IPO11: variants seen among roughly 807,000 people sequenced by gnomAD.
The protein encoded by IPO11 is importin 11.
A neutral mutation model predicts 143.2 loss-of-function variants in IPO11; 66 were observed. The observed-to-expected ratio is 0.46, with a 90% confidence interval of 0.38 to 0.57. The LOEUF is 0.57. Among genes scored for constraint, IPO11 ranks in the 20% least tolerant of loss-of-function variants. IPO11 has a pLI of 0.00. For missense variants in IPO11, 1,026 were observed against 1,141.0 expected, an observed-to-expected ratio of 0.90 and a Z score of 1.45; for synonymous variants, 385 against 377.8, an observed-to-expected ratio of 1.02 and a Z score of -0.22.
intron 27 of IPO11, among the ~76,000 whole-genome samples, chr5:62,564,697 A>G (rs1190037764): frequency 6.6e-6 from 1 of 152,098 alleles, no homozygotes; most frequent in Non-Finnish European, 1.5e-5. Context: ...TCAAGTCACG[A>G]CAATTGAAAA....
At chr5:62,558,364 A>C (rs936185987) in intron 26 of IPO11, among the ~76,000 whole-genome samples, 7 of 152,338 alleles carry the variant, frequency 4.6e-5, no homozygotes, top group African/African-American at 1.7e-4. Context: ...AGTGTTCAAG[A>C]ACTACGTAAA....
At chr5:62,575,224 C>T (rs1442365199) in intron 27 of IPO11, among the ~76,000 whole-genome samples, 1 of 152,182 alleles carries the variant, frequency 6.6e-6, no homozygotes, top group Non-Finnish European at 1.5e-5. Flanking sequence ...AAAAACACTG[C>T]AAGAACAATA....
rs115504491 is a variant in IPO11, at chr5:62,485,078, G to T, written c.1175-341G>T. ...TTGTACCTAGTGAAACATGATTACT[G>T]TATTGAAATGAAATGATTCTCAGAA... is the stretch of plus-strand genomic sequence containing the variant. On this transcript the variant is annotated intron_variant, in intron 11 of 29. Coordinates refer to ENST00000325324, the MANE Select transcript of IPO11 (RefSeq NM_016338.5). Among the ~76,000 whole-genome samples the T allele has an allele frequency of 3.2e-3, 494 of 152,222 alleles. 3 individuals are homozygous for T. Among genetic ancestry groups the T allele is most frequent in the African/African-American group, 0.011 (468 of 41,554 alleles).
intron 1 of IPO11, among the ~76,000 whole-genome samples, chr5:62,429,762 T>C (rs938364538): frequency 6.6e-6 from 1 of 152,132 alleles, no homozygotes; most frequent in Non-Finnish European, 1.5e-5. Flanking sequence ...TAGCTGGGAC[T>C]ATAGGCATGT....
chr5:62,496,305 A>T (rs1218382453), intron 16 of IPO11, among the ~76,000 whole-genome samples: 1 of 152,072 alleles, frequency 6.6e-6, no homozygotes, highest in Non-Finnish European at 1.5e-5. Context: ...AAGAAAAAAA[A>T]AAAGAAGTAC....
intron 29 of IPO11, among the ~76,000 whole-genome samples, chr5:62,621,984 T>C (rs561899532): frequency 6.6e-6 from 1 of 152,128 alleles, no homozygotes; most frequent in East Asian, 1.9e-4. Context: ...GAAAGGTTTC[T>C]GGCAAGTAAT....
intron 9 of IPO11, among the ~76,000 whole-genome samples, chr5:62,481,207 C>A (rs1254808624): frequency 6.6e-6 from 1 of 152,164 alleles, no homozygotes; most frequent in Non-Finnish European, 1.5e-5. Context: ...CATGAGCCAC[C>A]GCGCCTGGCC....
intron 15 of IPO11, among the ~76,000 whole-genome samples, chr5:62,493,493 A>G (rs1303560022): frequency 2.0e-5 from 3 of 152,156 alleles, no homozygotes; most frequent in African/African-American, 7.2e-5. Context: ...AAGTACTAAA[A>G]GTTTTAATAA....
intron 28 of IPO11, among the ~76,000 whole-genome samples, chr5:62,597,869 G>A (rs1745286687): frequency 6.6e-6 from 1 of 152,114 alleles, no homozygotes; most frequent in African/African-American, 2.4e-5. Context: ...ATGACTGTAG[G>A]TAAGTGACTC....
intron 1 of IPO11, among the ~76,000 whole-genome samples, chr5:62,431,430 C>T (rs1364833820): frequency 6.6e-6 from 1 of 151,912 alleles, no homozygotes; most frequent in Admixed American, 6.6e-5. Flanking sequence ...TGCTCTGTCA[C>T]CCAGGTTGGA....
rs145666336 is a variant in IPO11 at position 62,621,212 on chromosome 5, C to T, written c.2764-5942C>T. Among the ~76,000 whole-genome samples the T allele has an allele frequency of 4.8e-3, 735 of 152,124 alleles. 12 individuals are homozygous for T. Among genetic ancestry groups the T allele is most frequent in the Non-Finnish European group, 7.6e-3 (515 of 68,006 alleles). ...GTTTTAAGTATTGGCAAAGAAGAGA[C>T]GAAATTCAGAAGTCATTGTAATGAT... On this transcript the variant is annotated intron_variant, in intron 29 of 29. Transcript: ENST00000325324.
chr5:62,414,160 T>C (rs1191339220), intron 1 of IPO11, among the ~76,000 whole-genome samples: 2 of 152,242 alleles, frequency 1.3e-5, no homozygotes, highest in Admixed American at 6.5e-5. Context: ...TAAACAAATA[T>C]GTAAAGATTA....
intron 27 of IPO11, among the ~76,000 whole-genome samples, chr5:62,583,763 G>A (rs982092936): frequency 1.3e-5 from 2 of 152,030 alleles, no homozygotes; most frequent in African/African-American, 4.8e-5. Context: ...ATTTTCTTGG[G>A]TACAATTTCT....
At chr5:62,607,646 G>C (rs1745772225) in intron 29 of IPO11, among the ~76,000 whole-genome samples, 1 of 152,050 alleles carries the variant, frequency 6.6e-6, no homozygotes, top group Admixed American at 6.5e-5. Context: ...TTACCTTATA[G>C]CATTCAGTAA....
intron 26 of IPO11, among the ~76,000 whole-genome samples, chr5:62,555,815 A>G (rs1035070563): frequency 5.3e-5 from 8 of 152,018 alleles, no homozygotes; most frequent in Admixed American, 5.2e-4. Flanking sequence ...ACACCTGGCT[A>G]ATTTTTAAAA....
rs1319381696 is a variant in IPO11 at position 62,550,456 on chromosome 5, A to C, written c.2340A>C (p.Glu780Asp). The C allele has an allele frequency of 2.5e-6, 4 of 1,604,426 alleles. No individual in the cohort carries two copies. In the African/African-American group the frequency reaches 5.4e-5, roughly 21 times the overall value. The change falls in exon 25 of 30, where the codon GAA (glutamate) becomes GAC (aspartate). Residue 780 changes from glutamate (E) to aspartate (D), a missense_variant. Physicochemically the swap from Glu to Asp is conservative, Grantham distance 45. This residue lies in a region of IPO11 where 351 missense variants were observed against 358.9 expected (regional missense o/e 0.98). Transcript: ENST00000325324. ...CCTATGTTTTCAAGGGTATTATAGA[A>C]GGGGAGGTAAGATTTTTCTTTAAGT... is the stretch of plus-strand genomic sequence containing the variant. Reference protein sequence around the residue: ...ILPYVFKGIIEGERYPVVMST... With the variant: ...ILPYVFKGIIDGERYPVVMST...
In IPO11 at chr5:62,435,092, G is replaced by GTATATATGTA. The variant is rs1204799227; in HGVS notation, c.-6-2166_-6-2157dup. ...TATATGTATATATATGTGTATATAT[G>GTATATATGTA]TATATATGTATATATATGTATATAT... On this transcript the variant is annotated intron_variant, in intron 1 of 29. Coordinates refer to ENST00000325324, the MANE Select transcript of IPO11 (RefSeq NM_016338.5). Among the ~76,000 whole-genome samples the GTATATATGTA allele has an allele frequency of 4.1e-3, 239 of 58,266 alleles. 13 individuals are homozygous for GTATATATGTA. The highest frequency in any genetic ancestry group is 0.014 in the African/African-American group (224 of 16,572). The allele number at this position is 58,266 out of a possible 152,430, so 38.2% of individuals were successfully genotyped here.
At chr5:62,530,048 A>G (rs879802584) in intron 21 of IPO11, among the ~76,000 whole-genome samples, 1 of 152,214 alleles carries the variant, frequency 6.6e-6, no homozygotes, top group Non-Finnish European at 1.5e-5. Context: ...AGCATTTAGC[A>G]TAAGTTTTAC....
chr5:62,613,316 T>TTTA (rs1197585274), intron 29 of IPO11, among the ~76,000 whole-genome samples: 1 of 146,600 alleles, frequency 6.8e-6, no homozygotes, highest in Non-Finnish European at 1.5e-5. Flanking sequence ...TTTTTTTTTT[T>TTTA]TTTTTGAGGC....
Sources: allele counts gnomAD v4.1 joint callset (sites outside exome capture counted in the v4.1 genomes callset), GRCh38; gene constraint gnomAD v4.1.1; regional missense constraint gnomAD v4.1.1; transcripts MANE v1.5; gene names NCBI Gene and HGNC (gene_info 2026-07-23, HGNC 2026-07-21).